COL4A2: variants seen among roughly 807,000 people sequenced by gnomAD.
COL4A2 encodes collagen alpha-2(IV) chain.
In COL4A2, 99 loss-of-function variants were observed where a neutral mutation model predicts 200.2. The observed-to-expected ratio is 0.49, with a 90% confidence interval of 0.42 to 0.58. The LOEUF (loss-of-function observed/expected upper bound fraction) is 0.58, where lower values mean the gene tolerates loss of function less well. Ranked by LOEUF, COL4A2 falls within the 20% of genes least tolerant of loss-of-function variation. The probability of loss-of-function intolerance (pLI) is 0.00; values close to 1 mark genes in which losing one functional copy is unlikely to be tolerated. For synonymous variants in COL4A2, 897 were observed against 900.6 expected (o/e 1.00, Z 0.07); for missense variants, 1,950 against 2,314.1 (o/e 0.84, Z 3.23).
intron 3 of COL4A2, among the ~76,000 whole-genome samples, chr13:110,317,215 C>A (rs375383117): frequency 5.4e-5 from 8 of 147,842 alleles, no homozygotes; most frequent in Non-Finnish European, 1.0e-4. Flanking sequence ...CACGTGCACC[C>A]CACACACACA....
intron 4 of COL4A2, among the ~76,000 whole-genome samples, chr13:110,410,152 C>T (rs1001646778): frequency 1.3e-5 from 2 of 152,206 alleles, no homozygotes; most frequent in African/African-American, 2.4e-5. Context: ...ATTTAACCTT[C>T]CTCACACCAA....
chr13:110,457,956 T>C (rs7319009), intron 21 of COL4A2: 212,689 of 386,308 alleles, frequency 0.55, 60,930 homozygotes, highest in Middle Eastern at 0.69. Context: ...CCTGACCCTT[T>C]CCAGTCACCT....
chr13:110,482,662 A>G lies in COL4A2; in HGVS notation c.2902+3A>G, dbSNP rs372961760. 2.5e-6 allele frequency: 4 copies of G among 1,613,100 alleles called. No homozygotes were observed. The Admixed American group carries it at 5.0e-5, about 20-fold the overall frequency. On this transcript the variant is annotated splice_donor_region_variant and intron_variant, in intron 32 of 47. Coordinates refer to ENST00000360467, the MANE Select transcript of COL4A2 (RefSeq NM_001846.4). ...GGCTGGTGAGCCAGGTTTTAAAGGT[A>G]TGTCCCTCTCTTAACATCCTCCTTA...
intron 31 of COL4A2, 128 bp from the exon 32 acceptor site, chr13:110,482,388 A>G (rs1375335413): frequency 1.0e-6 from 1 of 994,624 alleles, no homozygotes; most frequent in Non-Finnish European, 1.5e-6. Context: ...GTCCCCGGAA[A>G]TCCCTATTTT....
At position 110,469,308 on chromosome 13, in the gene COL4A2, G is replaced by C; in HGVS notation, c.2187G>C (p.Gly729=). The C allele has an allele frequency of 1.3e-6, 2 of 1,589,080 alleles. No homozygotes were observed. The highest frequency in any genetic ancestry group is 1.7e-6 in the Non-Finnish European group (2 of 1,167,734). Residue 729 remains glycine (G), a synonymous_variant, in exon 28 of 48, where the codon GGG becomes GGC. Transcript: ENST00000360467. ...TGCCAGGAGACGCAGGTCGTGAAGG[G>C]TTCCCAGGACCCCCAGGTGAGTTGA... The part of the protein sequence containing the change: ...RGLPGDAGRE[G]FPGPPGFIGP...
rs1450159508 is a variant in COL4A2, at chr13:110,478,072, C to T, written c.2495C>T (p.Pro832Leu). The T allele has an allele frequency of 1.9e-6, 3 of 1,608,688 alleles. No individual in the cohort carries two copies. The highest frequency in any genetic ancestry group is 3.3e-5 in the Admixed American group (2 of 59,798). Reference sequence around the variant, plus strand: ...GGCCTCCCAGGACCTTCCGGCCAGCCAGGCCTGTATGGGCCTCCAGGACTG... The same window carrying T: ...GGCCTCCCAGGACCTTCCGGCCAGCTAGGCCTGTATGGGCCTCCAGGACTG... ...QPGLPGPSGQ[P>L]GLYGPPGLHG... The change falls in exon 30 of 48, where the codon CCA (proline) becomes CTA (leucine). Residue 832 changes from proline to leucine, a missense_variant. Around this residue, in one of 2 missense-constraint regions of COL4A2, gnomAD observed 1,385 missense variants for 1,720.5 expected, o/e 0.80. Transcript: ENST00000360467.
intron 36 of COL4A2, 32 bp from the exon 37 acceptor site, chr13:110,491,201 G>C (rs933385527): frequency 3.3e-6 from 5 of 1,517,508 alleles, no homozygotes; most frequent in Admixed American, 3.7e-5. Flanking sequence ...CGCGGTGTCT[G>C]TTTGTTCCAA....
chr13:110,475,196 C>T (rs1043261735), intron 29 of COL4A2, among the ~76,000 whole-genome samples: 4 of 152,272 alleles, frequency 2.6e-5, no homozygotes, highest in African/African-American at 9.6e-5. Context: ...ATCCAGATCT[C>T]CCCTTTCCAG....
chr13:110,377,990 C>T (rs1054557893), intron 4 of COL4A2, among the ~76,000 whole-genome samples: 10 of 152,214 alleles, frequency 6.6e-5, no homozygotes, highest in African/African-American at 2.4e-4. Flanking sequence ...ACAAACAGGG[C>T]TTGTGGGAAT....
rs56399312 is a variant in COL4A2, at chr13:110,469,634, T to C, written c.2203+310T>C. Among the ~76,000 whole-genome samples, 29,741 of 152,126 alleles carry C rather than the reference T, an allele frequency of 0.2. 3,277 individuals carry two copies. The highest frequency in any genetic ancestry group is 0.26 in the Non-Finnish European group (17,611 of 67,964). ...GTTAATAATGATTAATATTAAACATTCTAAGGGCAACACAAAGTTATCCTC... is the reference window on the plus strand; with the variant it reads ...GTTAATAATGATTAATATTAAACATCCTAAGGGCAACACAAAGTTATCCTC... On this transcript the variant is annotated intron_variant, in intron 28 of 47. Transcript: ENST00000360467.
intron 3 of COL4A2, 125 bp downstream of exon 3, chr13:110,308,248 G>A (rs899624739): frequency 2.0e-5 from 21 of 1,069,220 alleles, no homozygotes; most frequent in Non-Finnish European, 2.8e-5. Flanking sequence ...TGTTCGCCAG[G>A]CTGCCCACCA....
At chr13:110,404,007 G>T (rs898322657) in intron 4 of COL4A2, among the ~76,000 whole-genome samples, 1 of 152,078 alleles carries the variant, frequency 6.6e-6, no homozygotes, top group Non-Finnish European at 1.5e-5. Context: ...GCTCCCCTGG[G>T]CCTCTTTGAG....
intron 4 of COL4A2, among the ~76,000 whole-genome samples, chr13:110,373,378 C>G (rs975556751): frequency 6.6e-6 from 1 of 152,112 alleles, no homozygotes; most frequent in African/African-American, 2.4e-5. Context: ...TTAAATCTTG[C>G]CTTCAGAGGG....
At chr13:110,434,277 A>G in intron 11 of COL4A2, 124 bp from the exon 12 acceptor site, 1 of 795,912 alleles carries the variant, frequency 1.3e-6, no homozygotes, top group Non-Finnish European at 2.0e-6. Context: ...AATATTATGC[A>G]AATATAGTTG....
Position 110,400,232 on chromosome 13 carries a change from G to A in COL4A2, c.181-24502G>A, listed in dbSNP as rs963357. On this transcript the variant is annotated intron_variant, in intron 4 of 47. Coordinates refer to ENST00000360467, the MANE Select transcript of COL4A2 (RefSeq NM_001846.4). The stretch of plus-strand genomic sequence containing the variant: ...TTGCATATGTGATAAAAGTGAAAAA[G>A]TTGGTCTTCAGATACCTACTACAGA... 1.1e-3 allele frequency among the ~76,000 whole-genome samples: 166 copies of A among 152,252 alleles called. 1 individual carries two copies. Among genetic ancestry groups the A allele is most frequent in the Middle Eastern group, 6.8e-3 (2 of 294 alleles).
rs770982531 is a variant in COL4A2, at chr13:110,489,781, A to G, written c.3342A>G (p.Ile1114Met). 1.2e-6 allele frequency: 2 copies of G among 1,608,314 alleles called. No individual in the cohort carries two copies. The highest frequency in any genetic ancestry group is 1.7e-4 in the Middle Eastern group (1 of 6,016). ...AGGGGGAGCGGGGCACCACTGGAAT[A>G]CCAGGTACGCAAGTTATTTTCCTTG... ...GLKGERGTTG[I>M]PGLKGFFGEK... is the part of the protein sequence containing the mutation. The change falls in exon 36 of 48, where the codon ATA becomes ATG. Residue 1114 changes from isoleucine (I) to methionine (M), a missense_variant. This residue lies in a region of COL4A2 where 1,385 missense variants were observed against 1,720.5 expected (regional missense o/e 0.80). Coordinates refer to ENST00000360467, the MANE Select transcript of COL4A2 (RefSeq NM_001846.4).
chr13:110,418,803 T>G (rs1194283387), intron 4 of COL4A2, among the ~76,000 whole-genome samples: 1 of 152,242 alleles, frequency 6.6e-6, no homozygotes, highest in Non-Finnish European at 1.5e-5. Context: ...GTTATCTGTG[T>G]AATATACTGT....
chr13:110,369,238 A>T (rs1361703462), intron 4 of COL4A2, among the ~76,000 whole-genome samples: 2 of 152,148 alleles, frequency 1.3e-5, no homozygotes, highest in Non-Finnish European at 2.9e-5. Flanking sequence ...TAAATAAAGC[A>T]ATTAGAGTTA....
chr13:110,398,872 T>C (rs1302261383), intron 4 of COL4A2, among the ~76,000 whole-genome samples: 1 of 152,146 alleles, frequency 6.6e-6, no homozygotes. Flanking sequence ...TAACAATTTT[T>C]TTTTTTAGCC....
Sources: gnomAD v4.1 joint callset for allele counts (sites outside exome capture counted in the v4.1 genomes callset) on GRCh38, gnomAD v4.1.1 for gene constraint, gnomAD v4.1.1 regional missense constraint, MANE v1.5 for transcripts, NCBI Gene and HGNC (gene_info 2026-07-23, HGNC 2026-07-21) for gene names.